NOL4: variants seen among roughly 807,000 people sequenced by gnomAD.
The protein encoded by NOL4 is cancer/testis antigen 125.
NOL4 carries 17 observed loss-of-function variants against 75.9 expected under a neutral mutation model. The ratio of observed to expected loss-of-function variants is 0.22; its 90% CI spans 0.15 to 0.34. NOL4 has a LOEUF of 0.34. Ranked by LOEUF, NOL4 falls within the 10% of genes least tolerant of loss-of-function variation. NOL4 has a pLI of 1.00. For missense variants in NOL4, 614 were observed against 793.5 expected (o/e 0.77, Z 2.72); for synonymous variants, 292 against 289.9 (o/e 1.01, Z -0.07).
At chr18:34,169,466 GAA>G (rs35084288) in intron 1 of NOL4, among the ~76,000 whole-genome samples, 3 of 128,868 alleles carry the variant, frequency 2.3e-5, no homozygotes, top group African/African-American at 2.9e-5. Flanking sequence ...GGGCAAACAG[GAA>G]AAAAAAAAAA....
chr18:34,057,376 G>A (rs1568284352), intron 5 of NOL4, among the ~76,000 whole-genome samples: 1 of 152,202 alleles, frequency 6.6e-6, no homozygotes. Context: ...AAAACTATGC[G>A]GTTTCTGTTT....
At chr18:34,195,028 C>CAA (rs35925381) in intron 1 of NOL4, among the ~76,000 whole-genome samples, 1,361 of 131,916 alleles carry the variant, frequency 0.01, 19 homozygotes, top group African/African-American at 0.034. Flanking sequence ...AACTCCGTCT[C>CAA]AAAAAAAAAA....
At chr18:33,919,491 A>C (rs569754415) in intron 9 of NOL4, among the ~76,000 whole-genome samples, 1 of 152,242 alleles carries the variant, frequency 6.6e-6, no homozygotes. Context: ...GGTCACTTCC[A>C]TAATGCATAA....
intron 5 of NOL4, among the ~76,000 whole-genome samples, chr18:34,089,823 T>C (rs2078422693): frequency 6.6e-6 from 1 of 152,180 alleles, no homozygotes; most frequent in Non-Finnish European, 1.5e-5. Context: ...AGGACATCCC[T>C]CTCCAACAAA....
chr18:34,173,975 C>T (rs186234456), intron 1 of NOL4, among the ~76,000 whole-genome samples: 8 of 152,182 alleles, frequency 5.3e-5, no homozygotes, highest in African/African-American at 1.7e-4. Flanking sequence ...CAATTAATGC[C>T]GATTCATGAT....
At chr18:33,873,315 C>T (rs2063784307) in intron 10 of NOL4, among the ~76,000 whole-genome samples, 1 of 151,964 alleles carries the variant, frequency 6.6e-6, no homozygotes, top group Non-Finnish European at 1.5e-5. Context: ...TCCCTCCCCA[C>T]ACATCTGCAC....
At chr18:33,978,554 A>G (rs2071688853) in intron 6 of NOL4, among the ~76,000 whole-genome samples, 1 of 152,124 alleles carries the variant, frequency 6.6e-6, no homozygotes. Flanking sequence ...TTATTGATAC[A>G]AAGCAAGCAC....
At chr18:33,861,891 A>G (rs888031504) in intron 10 of NOL4, among the ~76,000 whole-genome samples, 7 of 152,102 alleles carry the variant, frequency 4.6e-5, no homozygotes, top group African/African-American at 1.7e-4. Context: ...GCTACCAATG[A>G]CTTTCTTCAC....
At chr18:33,918,923 C>G (rs1002121089) in intron 9 of NOL4, among the ~76,000 whole-genome samples, 1 of 151,862 alleles carries the variant, frequency 6.6e-6, no homozygotes, top group Non-Finnish European at 1.5e-5. Flanking sequence ...CCACTTACTA[C>G]CCTATAGATA....
At chr18:33,902,465 C>A (rs562672831) in intron 9 of NOL4, among the ~76,000 whole-genome samples, 2 of 152,034 alleles carry the variant, frequency 1.3e-5, no homozygotes, top group African/African-American at 2.4e-5. Flanking sequence ...TAGACTGATG[C>A]GGAAATGTTT....
chr18:34,046,618 A>ATATATATATATATATATATATATG (rs1304850540), intron 5 of NOL4, among the ~76,000 whole-genome samples: 1,266 of 114,158 alleles, frequency 0.011, 54 homozygotes, highest in Non-Finnish European at 0.021. Context: ...ATATATATAT[A>ATATATATATATATATATATATATG]TATATATATA....
chr18:34,060,796 G>C (rs1280484330), intron 5 of NOL4, among the ~76,000 whole-genome samples: 1 of 152,136 alleles, frequency 6.6e-6, no homozygotes, highest in Non-Finnish European at 1.5e-5. Flanking sequence ...GCCTAAGAAG[G>C]ACTACATAAC....
rs568635816 is a variant in NOL4 at position 34,054,368 on chromosome 18, C to A, written c.773-34767G>T. 1.3e-4 allele frequency among the ~76,000 whole-genome samples: 20 copies of A among 151,960 alleles called. No individual in the cohort carries two copies. In the South Asian group the frequency reaches 4.1e-3, roughly 31 times the overall value. On this transcript the variant is annotated intron_variant, in intron 5 of 10. Coordinates refer to ENST00000261592, the MANE Select transcript of NOL4 (RefSeq NM_003787.5). ...TCAATTCTGCCAATGTTTGCTTCATCTATTGGGAACTCTGATATTGGGTGC... is the reference window on the plus strand; with the variant it reads ...TCAATTCTGCCAATGTTTGCTTCATATATTGGGAACTCTGATATTGGGTGC...
At chr18:34,028,841 A>G (rs78554350) in intron 5 of NOL4, among the ~76,000 whole-genome samples, 3,665 of 152,318 alleles carry the variant, frequency 0.024, 54 homozygotes, top group Non-Finnish European at 0.027. Context: ...GTAGGGGAGC[A>G]TTGAGCTGGA....
intron 5 of NOL4, among the ~76,000 whole-genome samples, chr18:34,086,879 TG>T (rs2078268628): frequency 6.6e-6 from 1 of 152,124 alleles, no homozygotes; most frequent in African/African-American, 2.4e-5. Flanking sequence ...AACTGTCATA[TG>T]TGGCAATTGT....
chr18:34,203,518 A>C (rs2035885107), intron 1 of NOL4, among the ~76,000 whole-genome samples: 1 of 151,838 alleles, frequency 6.6e-6, no homozygotes, highest in Non-Finnish European at 1.5e-5. Flanking sequence ...TGGATGTGAT[A>C]ATATTATATT....
At chr18:33,953,260 A>G (rs2069380804) in intron 8 of NOL4, among the ~76,000 whole-genome samples, 1 of 82,178 alleles carries the variant, frequency 1.2e-5, no homozygotes, top group African/African-American at 4.1e-5. Context: ...GCAAATACAC[A>G]TTCATTTTTT....
At chr18:33,873,830 AT>A (rs2063807052) in intron 10 of NOL4, among the ~76,000 whole-genome samples, 1 of 152,010 alleles carries the variant, frequency 6.6e-6, no homozygotes, top group Non-Finnish European at 1.5e-5. Context: ...GACAGGTAAA[AT>A]AATAAGAAAT....
intron 6 of NOL4, 58 bp from the exon 7 acceptor site, chr18:33,958,476 T>C: frequency 7.0e-7 from 1 of 1,425,990 alleles, no homozygotes; most frequent in African/African-American, 1.4e-5. Context: ...TTATAAGTTT[T>C]ATGTTTCATC....
Sources: allele counts gnomAD v4.1 joint callset (sites outside exome capture counted in the v4.1 genomes callset), GRCh38; gene constraint gnomAD v4.1.1; transcripts MANE v1.5; gene names NCBI Gene and HGNC (gene_info 2026-07-23, HGNC 2026-07-21).